The following CREB5 variants were observed in gnomAD, a reference collection of about 807,000 sequenced individuals.
The protein encoded by CREB5 is cAMP responsive element binding protein 5.
CREB5 carries 19 observed loss-of-function variants against 57.1 expected under a neutral mutation model. The observed-to-expected ratio is 0.33, with a 90% CI of 0.23 to 0.49. The LOEUF is 0.49. Ranked by LOEUF, CREB5 falls within the 20% of genes least tolerant of loss-of-function variation. The pLI, the probability that CREB5 is intolerant of heterozygous loss-of-function variation, is 0.99. For missense variants in CREB5, 579 were observed against 671.6 expected (o/e 0.86, Z 1.52); for synonymous variants, 238 against 238.3 (o/e 1.00, Z 0.01).
intron 8 of CREB5, among the ~76,000 whole-genome samples, chr7:28,807,951 G>A (rs1008557048): frequency 6.6e-6 from 1 of 152,156 alleles, no homozygotes; most frequent in Non-Finnish European, 1.5e-5. Flanking sequence ...CTCTATGTGT[G>A]GGGGTCTCCA....
At chr7:28,566,955 CAG>C (rs1795507913) in intron 4 of CREB5, among the ~76,000 whole-genome samples, 1 of 152,188 alleles carries the variant, frequency 6.6e-6, no homozygotes, top group South Asian at 2.1e-4. Context: ...TGGTGATTCT[CAG>C]AGAAGATTCT....
chr7:28,459,654 C>A (rs1333581507), intron 1 of CREB5, among the ~76,000 whole-genome samples: 1 of 152,138 alleles, frequency 6.6e-6, no homozygotes, highest in Non-Finnish European at 1.5e-5. Flanking sequence ...GCTGATGTGT[C>A]TGCTGGAAAC....
Position 28,790,391 on chromosome 7 carries a change from G to A in CREB5, c.703-13808G>A, listed in dbSNP as rs73308849. Among the ~76,000 whole-genome samples, 993 of 147,014 alleles carry A rather than the reference G, an allele frequency of 6.8e-3. 16 individuals are homozygous for A. Among genetic ancestry groups the A allele is most frequent in the African/African-American group, 0.024 (955 of 40,374 alleles). On this transcript the variant is annotated intron_variant, in intron 7 of 10. Transcript: ENST00000357727. ...TCCCGTAGTGAATGGGCTTTGGAAC[G>A]AAATCAAAGGATACATTTTAGCAGA... is the stretch of plus-strand genomic sequence containing the variant.
chr7:28,661,543 C>A (rs970936387), intron 5 of CREB5, among the ~76,000 whole-genome samples: 2 of 149,654 alleles, frequency 1.3e-5, no homozygotes, highest in African/African-American at 4.9e-5. Flanking sequence ...CTATCTTTTT[C>A]TCTGGGCTAT....
At chr7:28,646,105 C>A (rs766341729) in intron 5 of CREB5, among the ~76,000 whole-genome samples, 2 of 152,208 alleles carry the variant, frequency 1.3e-5, no homozygotes, top group Non-Finnish European at 2.9e-5. Flanking sequence ...GACAGTAGAT[C>A]ATAGGACTTC....
At chr7:28,420,903 C>T (rs1397965825) in intron 1 of CREB5, among the ~76,000 whole-genome samples, 1 of 151,684 alleles carries the variant, frequency 6.6e-6, no homozygotes, top group Non-Finnish European at 1.5e-5. Context: ...TTTGCTTGTA[C>T]CCATTCCCCA....
At chr7:28,794,756 A>G (rs1185589641) in intron 7 of CREB5, among the ~76,000 whole-genome samples, 1 of 151,784 alleles carries the variant, frequency 6.6e-6, no homozygotes, top group Non-Finnish European at 1.5e-5. Context: ...ACACACACAC[A>G]CTCTGTCACC....
At chr7:28,629,546 T>A (rs2128692048) in intron 5 of CREB5, among the ~76,000 whole-genome samples, 1 of 152,288 alleles carries the variant, frequency 6.6e-6, no homozygotes, top group South Asian at 2.1e-4. Flanking sequence ...GCAGGGACAG[T>A]CAGGGGTTGA....
intron 1 of CREB5, among the ~76,000 whole-genome samples, chr7:28,328,528 A>G (rs546792327): frequency 2.6e-5 from 4 of 152,310 alleles, no homozygotes; most frequent in African/African-American, 9.6e-5. Flanking sequence ...CTTCTTTTCC[A>G]TTAGGATGCC....
At chr7:28,421,848 TC>T (rs1788272117) in intron 1 of CREB5, among the ~76,000 whole-genome samples, 1 of 3,970 alleles carries the variant, frequency 2.5e-4, no homozygotes, top group South Asian at 9.6e-3. Flanking sequence ...ACACACACAC[TC>T]TCTCTCTCTA....
At chr7:28,645,481 C>T (rs1478276803) in intron 5 of CREB5, among the ~76,000 whole-genome samples, 1 of 152,202 alleles carries the variant, frequency 6.6e-6, no homozygotes, top group Non-Finnish European at 1.5e-5. Context: ...ATCCCAGAAT[C>T]TGTGTTGTGC....
chr7:28,748,526 T>C (rs1382246149), intron 7 of CREB5, among the ~76,000 whole-genome samples: 4 of 152,114 alleles, frequency 2.6e-5, no homozygotes, highest in African/African-American at 9.7e-5. Context: ...AGCTCAGTGG[T>C]ATGAAAAAAG....
chr7:28,805,610 T>A (rs1197407323), intron 8 of CREB5, among the ~76,000 whole-genome samples: 2 of 152,186 alleles, frequency 1.3e-5, no homozygotes, highest in Admixed American at 1.3e-4. Context: ...ATCCACAGAA[T>A]GGGTCAGGCA....
At chr7:28,452,470 GTA>G (rs1789870854) in intron 1 of CREB5, among the ~76,000 whole-genome samples, 3 of 152,174 alleles carry the variant, frequency 2.0e-5, no homozygotes, top group African/African-American at 7.2e-5. Flanking sequence ...ATGTGTATTT[GTA>G]TCAGTCGGGT....
chr7:28,336,164 G>A (rs1392294357), intron 1 of CREB5, among the ~76,000 whole-genome samples: 3 of 152,062 alleles, frequency 2.0e-5, no homozygotes, highest in Non-Finnish European at 2.9e-5. Context: ...TTTATTTTTT[G>A]ATGTGTCTTT....
At chr7:28,340,447 G>A (rs1165168848) in intron 1 of CREB5, among the ~76,000 whole-genome samples, 1 of 152,160 alleles carries the variant, frequency 6.6e-6, no homozygotes, top group East Asian at 1.9e-4. Context: ...TGGGAGCTAG[G>A]GCCTGGAATG....
At chr7:28,515,734 G>A (rs1017333716) in intron 4 of CREB5, among the ~76,000 whole-genome samples, 4 of 151,968 alleles carry the variant, frequency 2.6e-5, no homozygotes, top group African/African-American at 7.3e-5. Context: ...ATTACCTCAA[G>A]CCTAGACCAT....
At chr7:28,533,644 C>G (rs548627463) in intron 4 of CREB5, among the ~76,000 whole-genome samples, 5 of 152,262 alleles carry the variant, frequency 3.3e-5, no homozygotes, top group African/African-American at 1.2e-4. Flanking sequence ...TTTGAGCTCT[C>G]CATTTTACAT....
chr7:28,674,816 A>G (rs1800239874), intron 5 of CREB5, among the ~76,000 whole-genome samples: 2 of 152,194 alleles, frequency 1.3e-5, no homozygotes, highest in Non-Finnish European at 1.5e-5. Context: ...AATTTTCTTA[A>G]AATAAAAATC....
Sources: allele counts gnomAD v4.1 joint callset (sites outside exome capture counted in the v4.1 genomes callset), GRCh38; gene constraint gnomAD v4.1.1; transcripts MANE v1.5; gene names NCBI Gene and HGNC (gene_info 2026-07-23, HGNC 2026-07-21).